The following TENM3 variants were observed in gnomAD, a reference collection of about 807,000 sequenced individuals.
The protein encoded by TENM3 is teneurin-3.
TENM3 carries 63 observed loss-of-function variants against 255.1 expected under a neutral mutation model. That is an observed-to-expected ratio of 0.25 (90% CI 0.20 to 0.30). The LOEUF (loss-of-function observed/expected upper bound fraction) is 0.30, where lower values mean the gene tolerates loss of function less well. Ranked by LOEUF, TENM3 falls within the 10% of genes least tolerant of loss-of-function variation. The pLI, the probability that TENM3 is intolerant of heterozygous loss-of-function variation, is 1.00. For synonymous variants in TENM3, 1,306 were observed against 1,322.3 expected (o/e 0.99, Z 0.27); for missense variants, 2,929 against 3,461.1 (o/e 0.85, Z 3.86).
intron 4 of TENM3, among the ~76,000 whole-genome samples, chr4:182,622,022 C>A (rs1750324793): frequency 6.6e-6 from 1 of 151,226 alleles, no homozygotes; most frequent in Non-Finnish European, 1.5e-5. Flanking sequence ...AATATTACAT[C>A]TTTGTTTTGA....
chr4:181,923,841 C>T, the TENM3 span, among the ~76,000 whole-genome samples: 1 of 152,100 alleles, frequency 6.6e-6, no homozygotes, highest in Non-Finnish European at 1.5e-5. Context: ...TGGAGGTAAG[C>T]ATGGATCTAG....
At chr4:181,471,957 C>T in the TENM3 span, among the ~76,000 whole-genome samples, 3 of 152,054 alleles carry the variant, frequency 2.0e-5, no homozygotes, top group Admixed American at 6.6e-5. Context: ...CTTAGCAAAG[C>T]TTATTAGTTC....
intron 6 of TENM3, among the ~76,000 whole-genome samples, chr4:182,660,708 C>T (rs1403337218): frequency 6.6e-6 from 1 of 152,126 alleles, no homozygotes; most frequent in Admixed American, 6.6e-5. Flanking sequence ...GAAATATTAT[C>T]GTGTATTTTT....
At chr4:181,678,829 G>T in the TENM3 span, among the ~76,000 whole-genome samples, 3 of 93,390 alleles carry the variant, frequency 3.2e-5, no homozygotes, top group Non-Finnish European at 6.6e-5. Context: ...AGCTTCCCAA[G>T]AATGTTTTAA....
intron 4 of TENM3, among the ~76,000 whole-genome samples, chr4:182,622,188 C>T (rs1581131884): frequency 2.0e-5 from 3 of 151,942 alleles, no homozygotes; most frequent in Admixed American, 1.3e-4. Flanking sequence ...GATGAAACCT[C>T]GTCTCTACTA....
At chr4:181,576,975 G>A in the TENM3 span, among the ~76,000 whole-genome samples, 8 of 130,836 alleles carry the variant, frequency 6.1e-5, no homozygotes, top group Non-Finnish European at 1.1e-4. Flanking sequence ...CACCACACCC[G>A]GCTAATATTA....
the TENM3 span, among the ~76,000 whole-genome samples, chr4:181,599,086 G>T: frequency 5.9e-5 from 9 of 152,210 alleles, no homozygotes; most frequent in Non-Finnish European, 1.3e-4. Context: ...GAAAGGTTGT[G>T]TAAGTATCCA....
the TENM3 span, among the ~76,000 whole-genome samples, chr4:181,777,697 C>G: frequency 6.6e-6 from 1 of 152,070 alleles, no homozygotes; most frequent in Non-Finnish European, 1.5e-5. Flanking sequence ...CTAATGTATT[C>G]AACTTCTTAA....
chr4:182,549,002 G>T (rs943881671), intron 3 of TENM3, among the ~76,000 whole-genome samples: 3 of 152,144 alleles, frequency 2.0e-5, no homozygotes, highest in Admixed American at 1.3e-4. Context: ...AGATGATGTG[G>T]TTTTTTTCTC....
chr4:182,538,248 A>G (rs950525098), intron 3 of TENM3, among the ~76,000 whole-genome samples: 3 of 152,180 alleles, frequency 2.0e-5, no homozygotes, highest in Admixed American at 2.0e-4. Flanking sequence ...GGCACAAGGC[A>G]TTTGGCTAAA....
intron 3 of TENM3, among the ~76,000 whole-genome samples, chr4:182,562,976 C>G (rs978891035): frequency 5.9e-5 from 9 of 152,128 alleles, no homozygotes; most frequent in Non-Finnish European, 1.2e-4. Context: ...TTCTTTACTT[C>G]TGCTTTAACA....
At chr4:181,961,513 G>A in the TENM3 span, among the ~76,000 whole-genome samples, 15 of 151,902 alleles carry the variant, frequency 9.9e-5, no homozygotes, top group African/African-American at 2.4e-4. Context: ...TCTGCCTCCC[G>A]GGTTCAAGCC....
chr4:182,661,135 A>G (rs71620936), intron 6 of TENM3, among the ~76,000 whole-genome samples: 25,735 of 151,418 alleles, frequency 0.17, 2,292 homozygotes, highest in Non-Finnish European at 0.19. Context: ...GTATGTGTAT[A>G]TATGCATATG....
chr4:181,642,722 T>C, the TENM3 span, among the ~76,000 whole-genome samples: 1 of 152,344 alleles, frequency 6.6e-6, no homozygotes, highest in East Asian at 1.9e-4. Context: ...TGTCTGCATA[T>C]GGCTAGCCAG....
chr4:182,508,646 G>C (rs1737073589), intron 3 of TENM3, among the ~76,000 whole-genome samples: 2 of 152,108 alleles, frequency 1.3e-5, no homozygotes, highest in Non-Finnish European at 2.9e-5. Flanking sequence ...TGATATGCAG[G>C]GTACTAATTA....
At chr4:182,418,885 G>T (rs561796286) in intron 3 of TENM3, among the ~76,000 whole-genome samples, 1 of 152,256 alleles carries the variant, frequency 6.6e-6, no homozygotes, top group East Asian at 1.9e-4. Context: ...TTAAGAGTGG[G>T]ATATGACTTG....
rs1760581738 is a variant in TENM3, at chr4:182,730,256, G to A, written c.2642G>A (p.Gly881Glu). 6.2e-7 allele frequency: 1 copy of A among 1,613,678 alleles called. No individual in the cohort carries two copies. Among genetic ancestry groups the A allele is most frequent in the African/African-American group, 1.3e-5 (1 of 74,902 alleles). The change falls in exon 15 of 28, where the codon GGA becomes GAA. Residue 881 changes from glycine to glutamate, a missense_variant. By Grantham distance (98) the Gly-to-Glu change is moderately conservative (BLOSUM62 -2). Around this residue, in one of 6 missense-constraint regions of TENM3, gnomAD observed 1,608 missense variants for 1,884.4 expected, o/e 0.85. Transcript: ENST00000511685. ...VLTADGTPLI[G>E]VNVSFFHYPE... ...ACTGCTGATGGAACTCCACTTATTG[G>A]AGTAAATGTCTCGTTTTTCCATTAC...
intron 3 of TENM3, among the ~76,000 whole-genome samples, chr4:182,361,962 T>G (rs1328128632): frequency 1.3e-5 from 2 of 152,226 alleles, no homozygotes; most frequent in Admixed American, 1.3e-4. Flanking sequence ...GCAGGTCTGT[T>G]GGAGTTTGCT....
intron 3 of TENM3, among the ~76,000 whole-genome samples, chr4:182,512,061 A>G (rs1201341798): frequency 1.3e-5 from 2 of 152,220 alleles, no homozygotes; most frequent in African/African-American, 4.8e-5. Flanking sequence ...GTTCTTAACC[A>G]GGAACTCTCA....
Sources: gnomAD v4.1 joint callset for allele counts (sites outside exome capture counted in the v4.1 genomes callset) on GRCh38, gnomAD v4.1.1 for gene constraint, gnomAD v4.1.1 regional missense constraint, MANE v1.5 for transcripts, NCBI Gene and HGNC (gene_info 2026-07-23, HGNC 2026-07-21) for gene names.